Variants in PC observed in about 807,000 individuals in gnomAD.
PC encodes the protein pyruvate carboxylase, mitochondrial.
In PC, 46 loss-of-function variants were observed where a neutral mutation model predicts 107.8. The ratio of observed to expected loss-of-function variants is 0.43; its 90% CI spans 0.34 to 0.55. The LOEUF (loss-of-function observed/expected upper bound fraction) is 0.55. PC is among the 20% of genes least tolerant of loss of function. PC has a pLI of 0.04. For synonymous variants in PC, 662 were observed against 684.7 expected, an observed-to-expected ratio of 0.97 and a Z score of 0.52; for missense variants, 1,241 against 1,643.1, an observed-to-expected ratio of 0.76 and a Z score of 4.23.
chr11:66,885,945 A>G (rs560234348), intron 3 of PC, among the ~76,000 whole-genome samples: 1 of 152,368 alleles, frequency 6.6e-6, no homozygotes, highest in East Asian at 1.9e-4. Context: ...CTGGAGAAGC[A>G]CAATGATGGT....
intron 3 of PC, among the ~76,000 whole-genome samples, chr11:66,932,782 TCATAC>T (rs1454470821): frequency 6.6e-6 from 1 of 152,116 alleles, no homozygotes; most frequent in African/African-American, 2.4e-5. Flanking sequence ...GGAAGGTAAA[TCATAC>T]CATCCCTTAT....
At chr11:66,915,857 G>A (rs1948450396) in intron 3 of PC, among the ~76,000 whole-genome samples, 1 of 152,230 alleles carries the variant, frequency 6.6e-6, no homozygotes, top group South Asian at 2.1e-4. Context: ...ATTTGGTTCT[G>A]TCTCCCTTCT....
rs1565244136 is a variant in PC at position 66,870,919 on chromosome 11, G to C, written c.634-27C>G. ...TGCGAGGGCGGGCAGGGGCCAGCCA[G>C]ACCTCAGACCCCACAGCGCTACCTC... On this transcript the variant is annotated intron_variant, in intron 7 of 22. Coordinates refer to ENST00000393960, the MANE Select transcript of PC (RefSeq NM_001040716.2). The surrounding 1 kb of genome is among the most constrained non-coding windows in gnomAD (Gnocchi z 6.1). 1 of 1,606,554 alleles carries C rather than the reference G, an allele frequency of 6.2e-7. No homozygotes were observed. The highest frequency in any genetic ancestry group is 8.5e-7 in the Non-Finnish European group (1 of 1,175,928).
chr11:66,898,138 AT>A (rs1947821667), intron 3 of PC, among the ~76,000 whole-genome samples: 1 of 152,084 alleles, frequency 6.6e-6, no homozygotes, highest in Non-Finnish European at 1.5e-5. Flanking sequence ...TGGAATTAAG[AT>A]TTTCTTCTGG....
Position 66,857,654 on chromosome 11 carries a change from C to T in PC, c.1369-4271G>A. On this transcript the variant is annotated intron_variant, in intron 12 of 22. Transcript: ENST00000393960. This position sits in a 1 kb window ranked among gnomAD's most constrained non-coding sequence, Gnocchi z 7.1. The stretch of plus-strand genomic sequence containing the variant: ...CCTCCCCGGGCCAGGCTCACAGAAG[C>T]TGGCTTCTGGGACTGTCCTGGGCCC... 2 of 1,388,002 alleles carry T rather than the reference C, an allele frequency of 1.4e-6. No individual in the cohort carries two copies. Among genetic ancestry groups the T allele is most frequent in the East Asian group, 4.9e-5 (2 of 40,696 alleles). The allele number at this position is 1,388,002 out of a possible 1,614,324, so 86.0% of individuals were successfully genotyped here. A position where few individuals can be genotyped will look rare whatever the true frequency, so the allele number is the denominator to read the frequency against.
chr11:66,907,556 A>T (rs1295635266), intron 3 of PC, among the ~76,000 whole-genome samples: 1 of 152,186 alleles, frequency 6.6e-6, no homozygotes, highest in Non-Finnish European at 1.5e-5. Flanking sequence ...ATCTGTTCTC[A>T]GGTCAAGTAG....
chr11:66,877,083 G>A (rs1193142506), intron 3 of PC, among the ~76,000 whole-genome samples: 1 of 152,206 alleles, frequency 6.6e-6, no homozygotes, highest in Non-Finnish European at 1.5e-5. Flanking sequence ...CTTATCAAGA[G>A]CCTTTAAGGT....
intron 3 of PC, among the ~76,000 whole-genome samples, chr11:66,879,830 G>T (rs1255364372): frequency 6.6e-6 from 1 of 152,194 alleles, no homozygotes; most frequent in Non-Finnish European, 1.5e-5. Flanking sequence ...TGATGGATTT[G>T]GGATGTGCTG....
chr11:66,897,139 G>A (rs1164773169), intron 3 of PC, among the ~76,000 whole-genome samples: 1 of 152,006 alleles, frequency 6.6e-6, no homozygotes, highest in African/African-American at 2.4e-5. Context: ...TCACCATGTT[G>A]GCCAGGCTGG....
At chr11:66,860,096 T>C (rs1946158045) in intron 12 of PC, 11 of 1,553,090 alleles carry the variant, frequency 7.1e-6, no homozygotes, top group Non-Finnish European at 9.6e-6. Flanking sequence ...TGGGAGGAGC[T>C]TGGGCCCGAC....
At chr11:66,882,437 G>T (rs1480981961) in intron 3 of PC, among the ~76,000 whole-genome samples, 1 of 152,240 alleles carries the variant, frequency 6.6e-6, no homozygotes, top group African/African-American at 2.4e-5. Flanking sequence ...TGCTTCAGGG[G>T]CGGGTGGCCA....
intron 3 of PC, among the ~76,000 whole-genome samples, chr11:66,923,449 G>C (rs1051572465): frequency 6.6e-6 from 1 of 151,484 alleles, no homozygotes; most frequent in Admixed American, 6.6e-5. Flanking sequence ...AGAGAAAAGA[G>C]ACCCATCGGT....
chr11:66,892,119 A>G (rs953373866), intron 3 of PC, among the ~76,000 whole-genome samples: 1 of 152,122 alleles, frequency 6.6e-6, no homozygotes, highest in Non-Finnish European at 1.5e-5. Context: ...GAAGGAGTTG[A>G]GAGGGAATGA....
chr11:66,851,256 A>G lies in PC; in HGVS notation c.2007T>C (p.Asn669=). 3 of 1,601,952 alleles carry G rather than the reference A, an allele frequency of 1.9e-6. No homozygotes were observed. The highest frequency in any genetic ancestry group is 2.5e-6 in the Non-Finnish European group (3 of 1,179,930). The change falls in exon 17 of 23, where the codon AAT becomes AAC. Residue 669 remains asparagine, a synonymous_variant. Coordinates refer to ENST00000393960, the MANE Select transcript of PC (RefSeq NM_001040716.2). ...CAAACACACGGAAGACATCCATGCC[A>G]TTCTCTTTGGCCACTTCACAGAACC... ...VFKFCEVAKE[N]GMDVFRVFDS...
intron 3 of PC, among the ~76,000 whole-genome samples, chr11:66,904,049 G>A (rs867077773): frequency 1.3e-5 from 2 of 151,954 alleles, no homozygotes; most frequent in Admixed American, 6.6e-5. Flanking sequence ...TTTAGAAGGC[G>A]CTTTAGCAGA....
rs202134233 is a variant in PC, at chr11:66,851,049, C to A, written c.2214G>T (p.Leu738=). 1 of 1,612,984 alleles carries A rather than the reference C, an allele frequency of 6.2e-7. No individual in the cohort carries two copies. Among genetic ancestry groups the A allele is most frequent in the South Asian group, 1.1e-5 (1 of 91,088 alleles). ...EELVRAGTHI[L]CIKDMAGLLK... ...CAAGTGGCCCAGGCACCTTGATGCA[C>A]AGGATGTGGGTGCCAGCTCGCACCA... The change falls in exon 17 of 23, where the codon CTG becomes CTT. Residue 738 remains leucine, a synonymous_variant. Transcript: ENST00000393960.
chr11:66,863,711 T>C, intron 12 of PC, 63 bp downstream of exon 12: 1 of 1,528,950 alleles, frequency 6.5e-7, no homozygotes, highest in East Asian at 2.3e-5. Context: ...GGTGGGGAAG[T>C]GAACGGTCAG....
chr11:66,866,364 G>T lies in PC; in HGVS notation c.1023-15C>A. Reference sequence around the variant, plus strand: ...CCAGGTCTACGCTGTAGGGCATTGGGGGGAGGGGGGAAAGGACGGGAGAAA... The same window carrying T: ...CCAGGTCTACGCTGTAGGGCATTGGTGGGAGGGGGGAAAGGACGGGAGAAA... On this transcript the variant is annotated splice_polypyrimidine_tract_variant and intron_variant, in intron 10 of 22. Transcript: ENST00000393960. This position sits in a 1 kb window ranked among gnomAD's most constrained non-coding sequence, Gnocchi z 5.4. 3 of 1,603,798 alleles carry T rather than the reference G, an allele frequency of 1.9e-6. No individual in the cohort carries two copies. Among genetic ancestry groups the T allele is most frequent in the African/African-American group, 1.3e-5 (1 of 74,782 alleles).
intron 3 of PC, among the ~76,000 whole-genome samples, chr11:66,875,912 A>T (rs757378486): frequency 1.1e-4 from 16 of 152,296 alleles, no homozygotes; most frequent in Non-Finnish European, 2.4e-4. Context: ...ACACCTCCTG[A>T]TGGGGTTCCC....
Sources: allele counts gnomAD v4.1 joint callset (sites outside exome capture counted in the v4.1 genomes callset), GRCh38; gene constraint gnomAD v4.1.1; non-coding constraint Gnocchi (gnomAD v3.1); transcripts MANE v1.5; gene names NCBI Gene and HGNC (gene_info 2026-07-23, HGNC 2026-07-21).